Variants in ABCB1 observed in about 807,000 individuals in gnomAD.
ABCB1 encodes the protein ATP-dependent translocase ABCB1.
A neutral mutation model predicts 142.0 loss-of-function variants in ABCB1; 69 were observed. The observed-to-expected ratio is 0.49, with a 90% CI of 0.40 to 0.59. The LOEUF (loss-of-function observed/expected upper bound fraction) is 0.59, where lower values mean the gene tolerates loss of function less well. Among genes scored for constraint, ABCB1 ranks in the 20% least tolerant of loss-of-function variants. The pLI is 0.00. For missense variants in ABCB1, 1,326 were observed against 1,554.7 expected (o/e 0.85, Z 2.47); for synonymous variants, 532 against 539.2 (o/e 0.99, Z 0.18).
chr7:87,520,919 T>C (rs780646586), intron 21 of ABCB1, 43 bp from the exon 22 acceptor site: 5 of 1,407,016 alleles, frequency 3.6e-6, no homozygotes, highest in African/African-American at 2.8e-5. Context: ...CAAGAGTAAA[T>C]AGTGGTGATT....
chr7:87,547,566 A>G (rs942449248), intron 14 of ABCB1, among the ~76,000 whole-genome samples: 10 of 151,710 alleles, frequency 6.6e-5, no homozygotes, highest in Non-Finnish European at 1.0e-4. Flanking sequence ...CATCTCTACA[A>G]ATATATCAAA....
At chr7:87,559,398 AT>A (rs1563052260) in intron 8 of ABCB1, among the ~76,000 whole-genome samples, 1 of 152,006 alleles carries the variant, frequency 6.6e-6, no homozygotes, top group South Asian at 2.1e-4. Context: ...TTAAAAATAG[AT>A]TTTTTAATCT....
At chr7:87,532,301 G>C (rs925790835) in intron 20 of ABCB1, among the ~76,000 whole-genome samples, 2 of 152,056 alleles carry the variant, frequency 1.3e-5, no homozygotes, top group Admixed American at 1.3e-4. Flanking sequence ...AAAGGGGCTG[G>C]GTAAAATAAG....
chr7:87,686,259 T>C (rs1200004750), intron 1 of ABCB1, among the ~76,000 whole-genome samples: 1 of 152,210 alleles, frequency 6.6e-6, no homozygotes, highest in East Asian at 1.9e-4. Context: ...TAATAAGGTA[T>C]GCTTTCACAT....
upstream of ABCB1, among the ~76,000 whole-genome samples, chr7:87,605,388 C>G (rs1819614269): frequency 2.0e-5 from 3 of 152,194 alleles, no homozygotes; most frequent in Admixed American, 2.0e-4. Context: ...CCCACCTCAG[C>G]CTCCCAAAGT....
At chr7:87,626,529 ATGTGTCATATATG>A (rs1820594924) in intron 1 of ABCB1, among the ~76,000 whole-genome samples, 1 of 18,282 alleles carries the variant, frequency 5.5e-5, no homozygotes, top group African/African-American at 5.2e-4. Flanking sequence ...TGTCATATAT[ATGTGTCATATATG>A]TGTCATATAT....
At chr7:87,550,954 A>G in intron 9 of ABCB1, 116 bp from the exon 10 acceptor site, 2 of 703,064 alleles carry the variant, frequency 2.8e-6, no homozygotes, top group South Asian at 3.1e-5. Context: ...GCGAGGCAAC[A>G]TATAAATACT....
chr7:87,683,879 A>G (rs565425968), intron 1 of ABCB1, among the ~76,000 whole-genome samples: 2 of 152,328 alleles, frequency 1.3e-5, no homozygotes, highest in East Asian at 3.9e-4. Context: ...ATAAAGTGAA[A>G]TACATTAAAA....
chr7:87,611,550 A>T (rs1199186750), intron 1 of ABCB1, among the ~76,000 whole-genome samples: 2 of 145,610 alleles, frequency 1.4e-5, no homozygotes, highest in African/African-American at 2.5e-5. Flanking sequence ...AAAGGACATG[A>T]TTTTTTTTTT....
chr7:87,646,148 T>C (rs752742032), intron 1 of ABCB1, among the ~76,000 whole-genome samples: 5 of 152,204 alleles, frequency 3.3e-5, no homozygotes, highest in Non-Finnish European at 7.4e-5. Context: ...TTTATGTTTT[T>C]ATGACACAGA....
intron 4 of ABCB1, among the ~76,000 whole-genome samples, chr7:87,575,358 A>T (rs575859432): frequency 1.0e-3 from 156 of 152,342 alleles, no homozygotes; most frequent in African/African-American, 3.6e-3. Context: ...CAGAGACTTC[A>T]TGCCAGGCAT....
In ABCB1 at chr7:87,538,935, G is replaced by A. The variant is rs995174535; in HGVS notation, c.2397+333C>T. On this transcript the variant is annotated intron_variant, in intron 19 of 27. Coordinates refer to ENST00000622132, the MANE Select transcript of ABCB1 (RefSeq NM_001348946.2). The stretch of plus-strand genomic sequence containing the variant: ...AACACTCGTGCCCTGGGTTTGCCAG[G>A]AGAAAGAAGGAAAGAGAGGAAAGGG... Among the ~76,000 whole-genome samples the A allele has an allele frequency of 3.9e-5, 6 of 152,130 alleles. No homozygotes were observed. The East Asian group carries it at 9.7e-4, about 24-fold the overall frequency.
intron 1 of ABCB1, among the ~76,000 whole-genome samples, chr7:87,637,678 G>A (rs2130257268): frequency 6.6e-6 from 1 of 151,846 alleles, no homozygotes; most frequent in Admixed American, 6.5e-5. Context: ...TTATATTATG[G>A]TAACTGAAAT....
At chr7:87,537,660 T>C (rs1333569317) in intron 19 of ABCB1, among the ~76,000 whole-genome samples, 2 of 152,146 alleles carry the variant, frequency 1.3e-5, no homozygotes, top group Non-Finnish European at 2.9e-5. Context: ...AATAGAGAGG[T>C]TGAATAAGCA....
chr7:87,541,693 G>A (rs969252866), intron 17 of ABCB1, among the ~76,000 whole-genome samples: 1 of 152,168 alleles, frequency 6.6e-6, no homozygotes, highest in Non-Finnish European at 1.5e-5. Context: ...TTTCTGTTCG[G>A]ATTCCCTCTT....
chr7:87,521,532 T>G, intron 21 of ABCB1: 1 of 757,244 alleles, frequency 1.3e-6, no homozygotes, highest in Admixed American at 1.7e-5. Context: ...GAGCTCTACA[T>G]TGGTTGACCA....
chr7:87,660,479 G>C (rs1015433240), intron 1 of ABCB1, among the ~76,000 whole-genome samples: 1 of 152,008 alleles, frequency 6.6e-6, no homozygotes, highest in African/African-American at 2.4e-5. Context: ...TCTCTAAAGA[G>C]ATATAAAGTC....
rs200294906 is a variant in ABCB1, at chr7:87,505,924, C to A, written c.3609G>T (p.Thr1203=). 206 of 1,614,000 alleles carry A rather than the reference C, an allele frequency of 1.3e-4. No homozygotes were observed. The highest frequency in any genetic ancestry group is 1.7e-4 in the Non-Finnish European group (196 of 1,180,020). ...TTTCACTTTCTGTATCCAGAGCTGA[C>A]GTGGCTTCATCCAAAAGCAAAATAT... ...QPHILLLDEA[T]SALDTESEKV... The change falls in exon 27 of 28, where the codon ACG becomes ACT. Residue 1203 remains threonine (T), a synonymous_variant. Coordinates refer to ENST00000622132, the MANE Select transcript of ABCB1 (RefSeq NM_001348946.2).
Position 87,504,547 on chromosome 7 carries a change from G to GC in ABCB1, c.3637-99dup, listed in dbSNP as rs1293477478. The GC allele has an allele frequency of 2.0e-6, 3 of 1,505,678 alleles. No homozygotes were observed. In the African/African-American group the frequency reaches 4.2e-5, roughly 21 times the overall value. The allele number at this position is 1,505,678 out of a possible 1,614,324, so 93.3% of individuals were successfully genotyped here. ...CAGTAGGACGGGCATGGTGGCTCAC[G>GC]CCTGTAATCCCAGCACTTTGGGAGG... On this transcript the variant is annotated intron_variant, in intron 27 of 27. Transcript: ENST00000622132.
Sources: gnomAD v4.1 joint callset for allele counts (sites outside exome capture counted in the v4.1 genomes callset) on GRCh38, gnomAD v4.1.1 for gene constraint, MANE v1.5 for transcripts, NCBI Gene and HGNC (gene_info 2026-07-23, HGNC 2026-07-21) for gene names.